The following CALCR variants were observed in gnomAD, a reference collection of about 807,000 sequenced individuals.
The protein encoded by CALCR is calcitonin receptor.
In CALCR, 47 loss-of-function variants were observed where a neutral mutation model predicts 59.5. The ratio of observed to expected loss-of-function variants is 0.79; its 90% CI spans 0.63 to 1.01. The LOEUF (loss-of-function observed/expected upper bound fraction) is 1.01. CALCR is among the 50% of genes least tolerant of loss of function. The pLI is 0.00. For synonymous variants in CALCR, 213 were observed against 211.3 expected (o/e 1.01, Z -0.07); for missense variants, 566 against 597.1 (o/e 0.95, Z 0.54).
At chr7:93,521,941 A>T (rs1433177379) in intron 2 of CALCR, among the ~76,000 whole-genome samples, 4 of 152,138 alleles carry the variant, frequency 2.6e-5, no homozygotes, top group Non-Finnish European at 4.4e-5. Flanking sequence ...AAATCAGAAA[A>T]CTACCAACAA....
intron 6 of CALCR, 101 bp downstream of exon 6, chr7:93,472,274 C>G: frequency 1.5e-6 from 1 of 677,334 alleles, no homozygotes; most frequent in East Asian, 2.6e-5. Flanking sequence ...TCCACAAAAC[C>G]TGTTGGCTTC....
chr7:93,567,401 C>T (rs1789888146), intron 2 of CALCR, among the ~76,000 whole-genome samples: 1 of 152,112 alleles, frequency 6.6e-6, no homozygotes, highest in African/African-American at 2.4e-5. Context: ...AATGATGACC[C>T]TGTCTTTTGT....
intron 3 of CALCR, among the ~76,000 whole-genome samples, chr7:93,483,147 T>A (rs1800838022): frequency 1.3e-5 from 2 of 151,664 alleles, no homozygotes; most frequent in African/African-American, 4.8e-5. Context: ...AATCTGAGGA[T>A]GCTTAGGTCC....
intron 9 of CALCR, among the ~76,000 whole-genome samples, chr7:93,440,191 A>G (rs1450550305): frequency 1.3e-5 from 2 of 152,110 alleles, no homozygotes; most frequent in African/African-American, 4.8e-5. Context: ...AACTTTCAAG[A>G]ATCTTTTAAA....
intron 7 of CALCR, among the ~76,000 whole-genome samples, chr7:93,465,236 T>C (rs1011859886): frequency 1.8e-4 from 27 of 151,994 alleles, no homozygotes; most frequent in African/African-American, 6.5e-4. Flanking sequence ...TAAATTGTAA[T>C]TGAAATTTAT....
At chr7:93,541,437 A>C (rs922183132) in intron 2 of CALCR, among the ~76,000 whole-genome samples, 1 of 152,132 alleles carries the variant, frequency 6.6e-6, no homozygotes, top group Non-Finnish European at 1.5e-5. Context: ...TGCTGGGATT[A>C]CAGGAGTGAC....
chr7:93,528,450 C>T (rs1788735789), intron 2 of CALCR, among the ~76,000 whole-genome samples: 1 of 152,148 alleles, frequency 6.6e-6, no homozygotes, highest in South Asian at 2.1e-4. Context: ...ACAACAGGCC[C>T]CGGTGTGTGA....
chr7:93,509,132 G>C (rs766945723), intron 2 of CALCR, among the ~76,000 whole-genome samples: 13 of 152,118 alleles, frequency 8.5e-5, no homozygotes, highest in Non-Finnish European at 1.5e-4. Flanking sequence ...TAAAAGCATG[G>C]TGCCATATTG....
intron 2 of CALCR, among the ~76,000 whole-genome samples, chr7:93,500,593 T>C (rs1187569246): frequency 6.6e-6 from 1 of 152,002 alleles, no homozygotes; most frequent in Admixed American, 6.6e-5. Flanking sequence ...TATCTTTGTA[T>C]GTTTGTGTTT....
chr7:93,510,307 T>C (rs549948810), intron 2 of CALCR, among the ~76,000 whole-genome samples: 102 of 152,234 alleles, frequency 6.7e-4, no homozygotes, highest in Non-Finnish European at 1.1e-3. Context: ...CCGTCCAATG[T>C]CCATGGGGGA....
At chr7:93,430,133 C>T (rs1335967774) in intron 13 of CALCR, among the ~76,000 whole-genome samples, 1 of 151,898 alleles carries the variant, frequency 6.6e-6, no homozygotes, top group African/African-American at 2.4e-5. Context: ...TACGGGGCTT[C>T]ACTGTGTTAG....
intron 2 of CALCR, among the ~76,000 whole-genome samples, chr7:93,517,417 G>C (rs1037678200): frequency 2.6e-5 from 4 of 151,248 alleles, no homozygotes; most frequent in African/African-American, 9.7e-5. Context: ...TCACATAGTT[G>C]GAAAGATTAA....
At chr7:93,461,269 A>T (rs1800330346) in intron 7 of CALCR, among the ~76,000 whole-genome samples, 1 of 152,150 alleles carries the variant, frequency 6.6e-6, no homozygotes, top group Admixed American at 6.5e-5. Flanking sequence ...TAGATTAGCA[A>T]CTATTAGGGT....
chr7:93,560,333 G>C, intron 2 of CALCR, among the ~76,000 whole-genome samples: 1 of 152,044 alleles, frequency 6.6e-6, no homozygotes, highest in South Asian at 2.1e-4. Flanking sequence ...TCACTCTCTA[G>C]GTAATTTAAA....
intron 8 of CALCR, among the ~76,000 whole-genome samples, chr7:93,455,412 C>CT (rs1800190866): frequency 6.6e-6 from 1 of 150,946 alleles, no homozygotes; most frequent in Non-Finnish European, 1.5e-5. Flanking sequence ...TTTTCTTTGT[C>CT]TCTTCTTCTT....
At chr7:93,548,296 C>T (rs1046519330) in intron 2 of CALCR, among the ~76,000 whole-genome samples, 5 of 152,156 alleles carry the variant, frequency 3.3e-5, no homozygotes, top group Non-Finnish European at 7.4e-5. Context: ...AACACTAGGA[C>T]TTGTTGGCAA....
intron 2 of CALCR, among the ~76,000 whole-genome samples, chr7:93,557,990 G>T (rs1335993464): frequency 1.3e-5 from 2 of 151,834 alleles, no homozygotes; most frequent in Non-Finnish European, 2.9e-5. Flanking sequence ...TTATTACCTA[G>T]TTTGTGATTT....
chr7:93,460,769 AG>A, intron 8 of CALCR, 51 bp downstream of exon 8: 1 of 1,350,850 alleles, frequency 7.4e-7, no homozygotes, highest in Non-Finnish European at 1.0e-6. Context: ...CACTATTTAC[AG>A]GTACTATATC....
intron 2 of CALCR, among the ~76,000 whole-genome samples, chr7:93,560,945 T>C (rs1789732834): frequency 6.6e-6 from 1 of 152,150 alleles, no homozygotes; most frequent in South Asian, 2.1e-4. Context: ...TCATAATCAT[T>C]ACAACAATAG....
Sources: allele counts gnomAD v4.1 joint callset (sites outside exome capture counted in the v4.1 genomes callset), GRCh38; gene constraint gnomAD v4.1.1; transcripts MANE v1.5; gene names NCBI Gene and HGNC (gene_info 2026-07-23, HGNC 2026-07-21).